PRKCA: variants seen among roughly 807,000 people sequenced by gnomAD.
The protein encoded by PRKCA is protein kinase C alpha.
A neutral mutation model predicts 87.0 loss-of-function variants in PRKCA; 27 were observed. The ratio of observed to expected loss-of-function variants is 0.31; its 90% CI spans 0.23 to 0.43. The LOEUF (loss-of-function observed/expected upper bound fraction) is 0.43, where lower values mean the gene tolerates loss of function less well. Ranked by LOEUF, PRKCA falls within the 20% of genes least tolerant of loss-of-function variation. The pLI, the probability that PRKCA is intolerant of heterozygous loss-of-function variation, is 1.00. For missense variants in PRKCA, 518 were observed against 852.3 expected (o/e 0.61, Z 4.88); for synonymous variants, 329 against 311.1 (o/e 1.06, Z -0.61).
chr17:66,501,779 A>G (rs1259577383), intron 3 of PRKCA, among the ~76,000 whole-genome samples: 1 of 152,226 alleles, frequency 6.6e-6, no homozygotes, highest in African/African-American at 2.4e-5. Context: ...CCACCAAATT[A>G]AGATGCAGAC....
At chr17:66,384,531 ATTC>A (rs1310501558) in intron 2 of PRKCA, among the ~76,000 whole-genome samples, 2 of 152,114 alleles carry the variant, frequency 1.3e-5, no homozygotes, top group Admixed American at 6.6e-5. Flanking sequence ...CTAAATTTTT[ATTC>A]TTTCTTGAGG....
chr17:66,384,683 T>C (rs1390439707), intron 2 of PRKCA, among the ~76,000 whole-genome samples: 2 of 151,992 alleles, frequency 1.3e-5, no homozygotes, highest in Non-Finnish European at 2.9e-5. Flanking sequence ...GGCTGGAGTG[T>C]AGTGGTGCCA....
intron 3 of PRKCA, among the ~76,000 whole-genome samples, chr17:66,619,172 TA>T (rs1211659035): frequency 6.6e-6 from 1 of 152,214 alleles, no homozygotes; most frequent in Non-Finnish European, 1.5e-5. Context: ...AGTGGTTCTT[TA>T]CTAAGATGGC....
chr17:66,575,449 G>A (rs939504724), intron 3 of PRKCA, among the ~76,000 whole-genome samples: 45 of 152,104 alleles, frequency 3.0e-4, no homozygotes, highest in Admixed American at 2.8e-3. Flanking sequence ...GCATGGTGGC[G>A]CACACCTGTA....
At position 66,803,725 on chromosome 17, in the gene PRKCA, A is replaced by T. The variant is rs887356087; in HGVS notation, c.1855-148A>T. On this transcript the variant is annotated intron_variant, in intron 16 of 16. Transcript: ENST00000413366. The surrounding 1 kb of genome is among the most constrained non-coding windows in gnomAD (Gnocchi z 4.4). Reference sequence around the variant, plus strand: ...TCTGCTGTGCCTGGCTTTTCAATCCAATAGGCCTGCAAGTCCTCCGAGATT... The same window carrying T: ...TCTGCTGTGCCTGGCTTTTCAATCCTATAGGCCTGCAAGTCCTCCGAGATT... 8.4e-6 allele frequency: 9 copies of T among 1,074,426 alleles called. No homozygotes were observed. In the African/African-American group the frequency reaches 1.3e-4, roughly 15 times the overall value. The allele number at this position is 1,074,426 out of a possible 1,614,324, so 66.6% of individuals were successfully genotyped here.
At chr17:66,517,829 C>G (rs184733825) in intron 3 of PRKCA, among the ~76,000 whole-genome samples, 1 of 152,054 alleles carries the variant, frequency 6.6e-6, no homozygotes, top group Non-Finnish European at 1.5e-5. Flanking sequence ...GCTGTTTTTG[C>G]AAAGCAGTTT....
At chr17:66,419,975 T>C (rs979163514) in intron 2 of PRKCA, among the ~76,000 whole-genome samples, 4 of 151,228 alleles carry the variant, frequency 2.6e-5, no homozygotes, top group Non-Finnish European at 5.9e-5. Flanking sequence ...GTTGAAGGGG[T>C]AAACAAACCC....
At position 66,688,894 on chromosome 17, in the gene PRKCA, T is replaced by G. The variant is rs1302623471; in HGVS notation, c.822-57T>G. ...TTCACAAAACCGCTCGACTAGAGGCTGCAGGAAAGGCTTGTTAAACTTGCG... is the reference window on the plus strand; with the variant it reads ...TTCACAAAACCGCTCGACTAGAGGCGGCAGGAAAGGCTTGTTAAACTTGCG... On this transcript the variant is annotated intron_variant, in intron 7 of 16. Coordinates refer to ENST00000413366, the MANE Select transcript of PRKCA (RefSeq NM_002737.3). The G allele has an allele frequency of 7.2e-6, 8 of 1,113,852 alleles. No individual in the cohort carries two copies. In the African/African-American group the frequency reaches 1.1e-4, roughly 15 times the overall value. The allele number at this position is 1,113,852 out of a possible 1,614,324, so 69.0% of individuals were successfully genotyped here.
intron 2 of PRKCA, among the ~76,000 whole-genome samples, chr17:66,388,928 C>T (rs1041663895): frequency 8.6e-5 from 13 of 151,814 alleles, no homozygotes; most frequent in Admixed American, 7.2e-4. Context: ...TTGTTTAATT[C>T]GAAGACCTCA....
intron 2 of PRKCA, among the ~76,000 whole-genome samples, chr17:66,420,299 A>G (rs9303507): frequency 0.98 from 148,607 of 152,188 alleles, 72,664 homozygotes; most frequent in East Asian, 1. Context: ...GTGAACCACC[A>G]CACCTGGCCA....
chr17:66,802,405 A>T (rs1413444399), intron 16 of PRKCA, among the ~76,000 whole-genome samples: 1 of 151,814 alleles, frequency 6.6e-6, no homozygotes, highest in Non-Finnish European at 1.5e-5. Context: ...CATGCCTGTA[A>T]TCCCAGCTAC....
chr17:66,774,335 TGTTGGCCAG>T (rs1323575816), intron 14 of PRKCA: 2 of 1,285,338 alleles, frequency 1.6e-6, no homozygotes, highest in Non-Finnish European at 2.0e-6. Context: ...GAAATGTACA[TGTTGGCCAG>T]GCGCGGTGGC....
At chr17:66,683,255 T>A (rs1358912492) in intron 5 of PRKCA, among the ~76,000 whole-genome samples, 1 of 152,234 alleles carries the variant, frequency 6.6e-6, no homozygotes, top group Non-Finnish European at 1.5e-5. Context: ...GTTTCCTTTT[T>A]AAATGATGGA....
chr17:66,453,326 T>C (rs1052787060), intron 2 of PRKCA, among the ~76,000 whole-genome samples: 4 of 151,786 alleles, frequency 2.6e-5, no homozygotes, highest in Non-Finnish European at 5.9e-5. Context: ...CTTTTTTTTT[T>C]TCTTTTTTTG....
intron 3 of PRKCA, among the ~76,000 whole-genome samples, chr17:66,531,763 G>A (rs7225054): frequency 0.32 from 49,097 of 152,052 alleles, 8,162 homozygotes; most frequent in South Asian, 0.49. Context: ...AGTCCTCAGG[G>A]TGTCAAATGG....
intron 12 of PRKCA, 74 bp downstream of exon 12, chr17:66,741,795 A>G: frequency 6.8e-7 from 1 of 1,476,842 alleles, no homozygotes; most frequent in Non-Finnish European, 9.4e-7. Context: ...GTCATTCTGG[A>G]ATGGTGACTT....
chr17:66,363,115 T>C (rs1908494922), intron 2 of PRKCA, among the ~76,000 whole-genome samples: 1 of 152,192 alleles, frequency 6.6e-6, no homozygotes, highest in Non-Finnish European at 1.5e-5. Flanking sequence ...CAGTTGTACA[T>C]CCTTTCACTC....
chr17:66,620,661 G>A (rs1353441419), intron 3 of PRKCA, among the ~76,000 whole-genome samples: 6 of 152,224 alleles, frequency 3.9e-5, no homozygotes, highest in African/African-American at 1.4e-4. Context: ...GGCCCAGGAA[G>A]TGAAAACCGA....
intron 3 of PRKCA, chr17:66,640,820 C>A: frequency 2.7e-6 from 1 of 368,382 alleles, no homozygotes. Flanking sequence ...GTGGTATGTG[C>A]AAATTTCACC....
Sources: gnomAD v4.1 joint callset for allele counts (sites outside exome capture counted in the v4.1 genomes callset) on GRCh38, gnomAD v4.1.1 for gene constraint, Gnocchi (gnomAD v3.1) non-coding constraint, MANE v1.5 for transcripts, NCBI Gene and HGNC (gene_info 2026-07-23, HGNC 2026-07-21) for gene names.